SRSF5: variants seen among roughly 807,000 people sequenced by gnomAD.
The protein encoded by SRSF5 is serine and arginine rich splicing factor 5.
A neutral mutation model predicts 34.0 loss-of-function variants in SRSF5; 5 were observed. That is an observed-to-expected ratio of 0.15 (90% CI 0.08 to 0.31). The LOEUF (loss-of-function observed/expected upper bound fraction) is 0.31. Among genes scored for constraint, SRSF5 ranks in the 10% least tolerant of loss-of-function variants. The pLI, the probability that SRSF5 is intolerant of heterozygous loss-of-function variation, is 1.00. For synonymous variants in SRSF5, 164 were observed against 117.7 expected (o/e 1.39, Z -2.55); for missense variants, 223 against 351.4 (o/e 0.63, Z 2.92).
At chr14:69,768,540 C>A in intron 2 of SRSF5, 64 bp from the exon 3 acceptor site, 1 of 1,479,976 alleles carries the variant, frequency 6.8e-7, no homozygotes, top group Non-Finnish European at 9.4e-7. Context: ...GATTTCAGTG[C>A]TCTTAATGTG....
At chr14:69,767,625 G>A in intron 1 of SRSF5, 1 of 436,894 alleles carries the variant, frequency 2.3e-6, no homozygotes, top group Non-Finnish European at 4.6e-6. Context: ...GGGAGGAGAA[G>A]GGAAGAGGGA....
At chr14:69,768,087 T>G in intron 1 of SRSF5, 51 bp from the exon 2 acceptor site, 2 of 1,596,886 alleles carry the variant, frequency 1.3e-6, no homozygotes, top group Admixed American at 3.4e-5. Context: ...TAATCAGGCG[T>G]TTCTCTGTGA....
In SRSF5 at chr14:69,771,589, T is replaced by A; in HGVS notation, c.*128T>A. On this transcript the variant is annotated 3_prime_UTR_variant, in exon 8 of 8. Transcript: ENST00000557154. Reference sequence around the variant, plus strand: ...TGGGGGTGGGATTTGGAAGGGGGGTTGGGTTGGGCTGGATATCTTTGTAGA... The same window carrying A: ...TGGGGGTGGGATTTGGAAGGGGGGTAGGGTTGGGCTGGATATCTTTGTAGA... 1.9e-6 allele frequency: 1 copy of A among 517,126 alleles called. No homozygotes were observed. Among genetic ancestry groups the A allele is most frequent in the Non-Finnish European group, 3.2e-6 (1 of 310,624 alleles). 32.0% of individuals were successfully genotyped at this position (517,126 alleles called of 1,614,324 possible).
At position 69,768,618 on chromosome 14, in the gene SRSF5, A is replaced by C. The variant is rs144031957; in HGVS notation, c.141A>C (p.Pro47=). The change falls in exon 3 of 8, where the codon CCA becomes CCC. Residue 47 remains proline (P), a synonymous_variant. Transcript: ENST00000557154. ...TTACATTTTAGGAATTTGAGGATCC[A>C]AGGGATGCAGATGATGCTGTGTATG... The part of the protein sequence containing the change: ...RGFGFVEFED[P]RDADDAVYEL... The C allele has an allele frequency of 1.5e-5, 25 of 1,614,218 alleles. No individual in the cohort carries two copies. In the Admixed American group the frequency reaches 2.5e-4, roughly 16 times the overall value.
rs755130476 is a variant in SRSF5, at chr14:69,771,463, CTG to C, written c.*4_*5del. The C allele has an allele frequency of 1.2e-6, 2 of 1,609,764 alleles. No homozygotes were observed. Among genetic ancestry groups the C allele is most frequent in the African/African-American group, 1.3e-5 (1 of 74,850 alleles). The stretch of plus-strand genomic sequence containing the variant: ...AGATCAGTTGACAGTGGCAATTAAA[CTG>C]TAAATAACTTGCCCTGGGGGCCTTT... On this transcript the variant is annotated 3_prime_UTR_variant, in exon 8 of 8. Transcript: ENST00000557154.
intron 5 of SRSF5, 72 bp downstream of exon 5, chr14:69,769,323 ATTG>A (rs1317059786): frequency 2.1e-5 from 34 of 1,581,720 alleles, no homozygotes; most frequent in Admixed American, 5.5e-5. Flanking sequence ...CTAATGTTGT[ATTG>A]TTTTATTAAA....
rs766849100 is a variant in SRSF5, at chr14:69,771,414, A to AGGTCCC, written c.780_785dup (p.Arg266_Ser267dup). 8.1e-6 allele frequency: 13 copies of AGGTCCC among 1,614,278 alleles called. No homozygotes were observed. In the South Asian group the frequency reaches 1.3e-4, roughly 16 times the overall value. On this transcript the variant is annotated inframe_insertion, in exon 8 of 8. Transcript: ENST00000557154. The stretch of plus-strand genomic sequence containing the variant: ...GTCTCCAGCATCTGTGGATCGCCAG[A>AGGTCCC]GGTCCCGGTCCCGATCAAGGTCCAG...
intron 5 of SRSF5, 75 bp from the exon 6 acceptor site, chr14:69,770,389 CTTG>C (rs1883056514): frequency 1.3e-6 from 2 of 1,562,412 alleles, no homozygotes; most frequent in Non-Finnish European, 1.7e-6. Flanking sequence ...TTTCAGTAGT[CTTG>C]TTTTTTTTAT....
At chr14:69,770,899 A>C in intron 6 of SRSF5, 96 bp from the exon 7 acceptor site, 1 of 1,089,288 alleles carries the variant, frequency 9.2e-7, no homozygotes, top group Non-Finnish European at 1.3e-6. Context: ...TAGCAATAGC[A>C]AAAGTGAACA....
rs1882760097 is a variant in SRSF5 at position 69,768,116 on chromosome 14, CGATT to C, written c.-19-19_-19-16del. The C allele has an allele frequency of 6.2e-7, 1 of 1,612,910 alleles. No individual in the cohort carries two copies. The highest frequency in any genetic ancestry group is 1.3e-5 in the African/African-American group (1 of 74,878). ...TCTGTGACAGTCATTGCTATTATCT[CGATT>C]GAATTACTTTCTAATAGGAAGTACT... is the stretch of plus-strand genomic sequence containing the variant. On this transcript the variant is annotated intron_variant, in intron 1 of 7. Transcript: ENST00000557154.
At chr14:69,768,375 C>G in intron 2 of SRSF5, 93 bp downstream of exon 2, 3 of 1,545,138 alleles carry the variant, frequency 1.9e-6, no homozygotes. Flanking sequence ...GAATATTTGC[C>G]TTCAGAAAAT....
At chr14:69,769,871 C>G in intron 5 of SRSF5, 3 of 1,215,384 alleles carry the variant, frequency 2.5e-6, no homozygotes, top group Non-Finnish European at 3.1e-6. Context: ...TAGAACATGT[C>G]TGCATCCGCC....
chr14:69,768,047 C>T lies in SRSF5; in HGVS notation c.-19-91C>T, dbSNP rs113003863. ...CTCGTTCATAACATCACTGTGTAAA[C>T]ATTTTATGCCGTTGATGTTTTTGAT... is the stretch of plus-strand genomic sequence containing the variant. On this transcript the variant is annotated intron_variant, in intron 1 of 7. Transcript: ENST00000557154. 5.6e-6 allele frequency: 8 copies of T among 1,436,412 alleles called. No homozygotes were observed. In the African/African-American group the frequency reaches 7.0e-5, roughly 13 times the overall value. The allele number at this position is 1,436,412 out of a possible 1,614,324, so 89.0% of individuals were successfully genotyped here.
chr14:69,770,692 A>G, intron 6 of SRSF5, 152 bp downstream of exon 6: 1 of 756,460 alleles, frequency 1.3e-6, no homozygotes, highest in South Asian at 1.8e-5. Context: ...CACCTTTGGC[A>G]GTGTCTGGAG....
At chr14:69,770,610 A>G in intron 6 of SRSF5, 70 bp downstream of exon 6, 1 of 1,411,168 alleles carries the variant, frequency 7.1e-7, no homozygotes, top group Non-Finnish European at 9.9e-7. Context: ...AGTTTTGAGG[A>G]CTTAAAATTT....
At chr14:69,767,766 G>C (rs1882692422) in intron 1 of SRSF5, 1 of 351,840 alleles carries the variant, frequency 2.8e-6, no homozygotes, top group Non-Finnish European at 5.6e-6. Context: ...CCGCTGTGAC[G>C]CGCCCGCGAG....
At position 69,771,512 on chromosome 14, in the gene SRSF5, A is replaced by G; in HGVS notation, c.*51A>G. ...CTTTTTTTAAAAAACAAAAACCACA[A>G]AAATTCCCAAACCATACTTGCTAAA... On this transcript the variant is annotated 3_prime_UTR_variant, in exon 8 of 8. Transcript: ENST00000557154. 1 of 1,579,442 alleles carries G rather than the reference A, an allele frequency of 6.3e-7. No homozygotes were observed. Among genetic ancestry groups the G allele is most frequent in the Non-Finnish European group, 8.6e-7 (1 of 1,164,532 alleles).
intron 6 of SRSF5, 126 bp from the exon 7 acceptor site, chr14:69,770,869 C>T (rs1025023004): frequency 2.3e-6 from 2 of 867,672 alleles, no homozygotes; most frequent in South Asian, 1.8e-5. Flanking sequence ...GCTGTGTTAT[C>T]CAGAAATAAG....
chr14:69,769,495 AC>A (rs1290097754), intron 5 of SRSF5: 13 of 1,535,220 alleles, frequency 8.5e-6, no homozygotes, highest in African/African-American at 1.4e-5. Context: ...CAAATATTAA[AC>A]CCTTTATTTG....
Sources: gnomAD v4.1 joint callset for allele counts on GRCh38, gnomAD v4.1.1 for gene constraint, MANE v1.5 for transcripts, NCBI Gene and HGNC (gene_info 2026-07-23, HGNC 2026-07-21) for gene names.